Variants in UVRAG observed in about 807,000 individuals in gnomAD.
The protein encoded by UVRAG is UV radiation resistance associated.
A neutral mutation model predicts 78.0 loss-of-function variants in UVRAG; 19 were observed. The observed-to-expected ratio is 0.24, with a 90% CI of 0.17 to 0.36. UVRAG has a LOEUF of 0.36. Among genes scored for constraint, UVRAG ranks in the 10% least tolerant of loss-of-function variants. The pLI is 1.00. For synonymous variants in UVRAG, 323 were observed against 324.6 expected (o/e 1.00, Z 0.05); for missense variants, 740 against 853.8 (o/e 0.87, Z 1.66).
chr11:75,906,879 A>G (rs150816217), intron 5 of UVRAG, among the ~76,000 whole-genome samples: 6 of 152,258 alleles, frequency 3.9e-5, no homozygotes, highest in Non-Finnish European at 5.9e-5. Context: ...TTGTTGATTT[A>G]TATGTCTGTC....
chr11:75,960,299 A>AT (rs1377931603), intron 6 of UVRAG, among the ~76,000 whole-genome samples: 2 of 151,818 alleles, frequency 1.3e-5, no homozygotes, highest in Non-Finnish European at 1.5e-5. Context: ...AATATAATTG[A>AT]TTTTTTTGTG....
At chr11:75,933,937 T>G (rs1948302035) in intron 6 of UVRAG, among the ~76,000 whole-genome samples, 1 of 152,140 alleles carries the variant, frequency 6.6e-6, no homozygotes, top group African/African-American at 2.4e-5. Flanking sequence ...TGGAGAATAG[T>G]TTGGAGGTTC....
intron 3 of UVRAG, among the ~76,000 whole-genome samples, chr11:75,871,908 T>C (rs1464828038): frequency 1.3e-5 from 2 of 152,198 alleles, no homozygotes; most frequent in East Asian, 1.9e-4. Context: ...ATGTTGTGGT[T>C]TTAGTTTAGT....
chr11:75,879,466 C>A (rs1190477946), intron 3 of UVRAG, among the ~76,000 whole-genome samples: 1 of 152,148 alleles, frequency 6.6e-6, no homozygotes, highest in Admixed American at 6.5e-5. Flanking sequence ...TGCTGTGTAG[C>A]CTTATGCATA....
chr11:75,932,648 T>C (rs1948268293), intron 6 of UVRAG, among the ~76,000 whole-genome samples: 1 of 152,142 alleles, frequency 6.6e-6, no homozygotes, highest in Non-Finnish European at 1.5e-5. Context: ...TTAGAACTGA[T>C]AAACACATTC....
intron 12 of UVRAG, among the ~76,000 whole-genome samples, chr11:76,043,629 A>C (rs889304760): frequency 2.6e-5 from 4 of 152,218 alleles, no homozygotes; most frequent in African/African-American, 9.6e-5. Context: ...TGATACAGAA[A>C]CATATGTTTC....
At chr11:75,940,830 T>C (rs767391129) in intron 6 of UVRAG, among the ~76,000 whole-genome samples, 31 of 152,172 alleles carry the variant, frequency 2.0e-4, no homozygotes, top group Non-Finnish European at 4.0e-4. Context: ...GAGCTGGGAT[T>C]TGAACCATCA....
chr11:76,129,467 T>C (rs567219752), intron 14 of UVRAG, among the ~76,000 whole-genome samples: 1 of 152,316 alleles, frequency 6.6e-6, no homozygotes, highest in South Asian at 2.1e-4. Flanking sequence ...CACTTTATTC[T>C]AAGTGGAGAT....
chr11:75,978,965 T>G (rs938272476), intron 7 of UVRAG, among the ~76,000 whole-genome samples: 1 of 152,206 alleles, frequency 6.6e-6, no homozygotes, highest in Non-Finnish European at 1.5e-5. Context: ...ATTTTTAGAA[T>G]TTTCAGCTTT....
intron 8 of UVRAG, among the ~76,000 whole-genome samples, chr11:75,993,493 A>G (rs1949650957): frequency 6.6e-6 from 1 of 151,622 alleles, no homozygotes; most frequent in Non-Finnish European, 1.5e-5. Context: ...TGTTTAATAA[A>G]AACCAGATTT....
chr11:76,095,870 C>CAAAAAAA (rs747792893), intron 13 of UVRAG, among the ~76,000 whole-genome samples: 1 of 45,958 alleles, frequency 2.2e-5, no homozygotes. Context: ...GACTCTGTCT[C>CAAAAAAA]AAAAAAAAAA....
intron 12 of UVRAG, among the ~76,000 whole-genome samples, chr11:76,057,192 A>C (rs904915900): frequency 6.8e-6 from 1 of 147,774 alleles, no homozygotes; most frequent in African/African-American, 2.5e-5. Context: ...TCTAAGTAGG[A>C]GACTGGGTGC....
intron 8 of UVRAG, among the ~76,000 whole-genome samples, chr11:75,998,421 T>TA (rs1949746694): frequency 6.6e-6 from 1 of 152,160 alleles, no homozygotes; most frequent in African/African-American, 2.4e-5. Flanking sequence ...GGAGAACTTT[T>TA]AAAAAATCAA....
At chr11:75,893,611 G>A (rs1947271439) in intron 5 of UVRAG, among the ~76,000 whole-genome samples, 1 of 140,420 alleles carries the variant, frequency 7.1e-6, no homozygotes, top group Non-Finnish European at 1.5e-5. Flanking sequence ...TAAACTTTCA[G>A]TCAAGAGTGA....
At chr11:75,874,306 A>G (rs547112143) in intron 3 of UVRAG, among the ~76,000 whole-genome samples, 2 of 152,296 alleles carry the variant, frequency 1.3e-5, no homozygotes, top group Non-Finnish European at 2.9e-5. Context: ...CAAAATGAAC[A>G]TGAGACAAAT....
intron 12 of UVRAG, among the ~76,000 whole-genome samples, chr11:76,033,913 T>C (rs1950481502): frequency 6.6e-6 from 1 of 152,138 alleles, no homozygotes. Context: ...TTCATTTGTT[T>C]CAGAAAGCAG....
At chr11:75,835,123 T>A (rs561465220) in intron 1 of UVRAG, 1 of 152,246 alleles carries the variant, frequency 6.6e-6, no homozygotes, top group Non-Finnish European at 1.5e-5. Flanking sequence ...TCTTATATAC[T>A]GTGCCTTTTG....
intron 5 of UVRAG, among the ~76,000 whole-genome samples, chr11:75,899,259 G>A (rs1420894034): frequency 6.6e-6 from 1 of 152,060 alleles, no homozygotes; most frequent in African/African-American, 2.4e-5. Context: ...TTGAGCTGGT[G>A]TGATTGTGTA....
At chr11:75,956,828 T>C (rs1948808174) in intron 6 of UVRAG, among the ~76,000 whole-genome samples, 1 of 152,192 alleles carries the variant, frequency 6.6e-6, no homozygotes, top group Non-Finnish European at 1.5e-5. Flanking sequence ...GTTTCCCTGA[T>C]GACTAAGACT....
Sources: allele counts gnomAD v4.1 joint callset (sites outside exome capture counted in the v4.1 genomes callset), GRCh38; gene constraint gnomAD v4.1.1; transcripts MANE v1.5; gene names NCBI Gene and HGNC (gene_info 2026-07-23, HGNC 2026-07-21).